Variants in LARS2 observed in about 807,000 individuals in gnomAD.
The protein encoded by LARS2 is leucyl-tRNA synthetase 2, mitochondrial, also known as leucine--tRNA ligase, mitochondrial.
In LARS2, 81 loss-of-function variants were observed where a neutral mutation model predicts 116.6. The observed-to-expected ratio is 0.69, with a 90% confidence interval of 0.58 to 0.84. The LOEUF (loss-of-function observed/expected upper bound fraction) is 0.84. LARS2 is among the 40% of genes least tolerant of loss of function. The pLI, the probability that LARS2 is intolerant of heterozygous loss-of-function variation, is 0.00. For missense variants in LARS2, 968 were observed against 1,114.5 expected, an observed-to-expected ratio of 0.87 and a Z score of 1.87; for synonymous variants, 396 against 407.2, an observed-to-expected ratio of 0.97 and a Z score of 0.33.
chr3:45,436,679 A>G (rs2125697996), intron 6 of LARS2, among the ~76,000 whole-genome samples: 1 of 152,032 alleles, frequency 6.6e-6, no homozygotes, highest in South Asian at 2.1e-4. Context: ...CTGTAGTCCC[A>G]GCTACTCGGG....
intron 13 of LARS2, among the ~76,000 whole-genome samples, chr3:45,494,684 G>A (rs937152002): frequency 6.6e-6 from 1 of 152,156 alleles, no homozygotes; most frequent in Non-Finnish European, 1.5e-5. Flanking sequence ...CTTGACTAAG[G>A]GCACCTTCTT....
At chr3:45,442,476 A>G (rs1299727483) in intron 6 of LARS2, among the ~76,000 whole-genome samples, 4 of 152,258 alleles carry the variant, frequency 2.6e-5, no homozygotes, top group Non-Finnish European at 5.9e-5. Flanking sequence ...TTTATTATGT[A>G]GATTTTCCAA....
intron 4 of LARS2, among the ~76,000 whole-genome samples, chr3:45,402,527 T>C (rs1698171016): frequency 6.6e-6 from 1 of 152,256 alleles, no homozygotes; most frequent in African/African-American, 2.4e-5. Flanking sequence ...TGATATCTGC[T>C]GCCTCTCAGT....
Position 45,417,550 on chromosome 3 carries a change from A to G in LARS2, c.432A>G (p.Leu144=). 6.2e-7 allele frequency: 1 copy of G among 1,613,856 alleles called. No homozygotes were observed. The highest frequency in any genetic ancestry group is 8.5e-7 in the Non-Finnish European group (1 of 1,179,724). Residue 144 remains leucine (L), a synonymous_variant, in exon 5 of 22, where the codon CTA becomes CTG. Transcript: ENST00000645846. ...AAAATGCCGCAGTCGAGAGGAATCT[A>G]CATCCACAAAGTTGGACACAAAGGT... The part of the protein sequence containing the change: ...PAENAAVERN[L]HPQSWTQSNI...
At chr3:45,468,858 T>G (rs1156752688) in intron 8 of LARS2, among the ~76,000 whole-genome samples, 1 of 152,222 alleles carries the variant, frequency 6.6e-6, no homozygotes, top group Non-Finnish European at 1.5e-5. Context: ...CATTCCCTGA[T>G]GGGCATACCT....
chr3:45,469,587 G>A (rs962674401), intron 8 of LARS2, among the ~76,000 whole-genome samples: 21 of 151,870 alleles, frequency 1.4e-4, no homozygotes, highest in African/African-American at 4.6e-4. Context: ...CTCGTGATCC[G>A]CCCGCCTCGG....
intron 8 of LARS2, among the ~76,000 whole-genome samples, chr3:45,464,284 G>A (rs1699386424): frequency 6.6e-6 from 1 of 152,178 alleles, no homozygotes; most frequent in South Asian, 2.1e-4. Context: ...ATGTTAGAGC[G>A]AAGAGACAGC....
chr3:45,526,033 C>G (rs748904939), intron 20 of LARS2, among the ~76,000 whole-genome samples: 123 of 152,176 alleles, frequency 8.1e-4, no homozygotes, highest in Admixed American at 1.1e-3. Context: ...ATAAGGACTT[C>G]ATGAGTTGAG....
At chr3:45,487,319 A>G (rs1031762746) in intron 11 of LARS2, among the ~76,000 whole-genome samples, 1 of 152,212 alleles carries the variant, frequency 6.6e-6, no homozygotes, top group African/African-American at 2.4e-5. Context: ...ACATTTATTC[A>G]ACGCATTAGA....
chr3:45,536,074 G>T (rs751717281), intron 20 of LARS2, among the ~76,000 whole-genome samples: 5 of 152,186 alleles, frequency 3.3e-5, no homozygotes, highest in Admixed American at 6.5e-5. Flanking sequence ...ATGAGAGGAA[G>T]GAAGGGAGGA....
In LARS2 at chr3:45,461,709, G is replaced by T. The variant is rs183223133; in HGVS notation, c.750+2823G>T. Among the ~76,000 whole-genome samples, 3 of 152,330 alleles carry T rather than the reference G, an allele frequency of 2.0e-5. No individual in the cohort carries two copies. The East Asian group carries it at 5.8e-4, about 29-fold the overall frequency. Reference sequence around the variant, plus strand: ...TTTAGATGTGGGTGAGAATAGTAGAGAGAAGTGAGTAGGTTAGAAAAATAC... The same window carrying T: ...TTTAGATGTGGGTGAGAATAGTAGATAGAAGTGAGTAGGTTAGAAAAATAC... On this transcript the variant is annotated intron_variant, in intron 8 of 21. Transcript: ENST00000645846.
chr3:45,474,783 A>C (rs533261505), intron 9 of LARS2, among the ~76,000 whole-genome samples: 1 of 152,294 alleles, frequency 6.6e-6, no homozygotes, highest in Admixed American at 6.5e-5. Flanking sequence ...TTTTATGTGC[A>C]AAATGTTTGG....
chr3:45,440,953 G>GGGTA (rs34283046), intron 6 of LARS2, among the ~76,000 whole-genome samples: 21,598 of 151,598 alleles, frequency 0.14, 1,672 homozygotes, highest in Middle Eastern at 0.2. Context: ...GTAGGCTGAT[G>GGGTA]GGTACATCAG....
intron 6 of LARS2, among the ~76,000 whole-genome samples, chr3:45,436,230 T>G (rs1339175777): frequency 1.3e-5 from 2 of 152,148 alleles, no homozygotes; most frequent in Non-Finnish European, 2.9e-5. Context: ...AAATAGTCCT[T>G]ATATTATTCA....
At chr3:45,499,541 G>C (rs1464017680) in intron 14 of LARS2, among the ~76,000 whole-genome samples, 1 of 152,206 alleles carries the variant, frequency 6.6e-6, no homozygotes, top group Non-Finnish European at 1.5e-5. Context: ...AAGATCGCTT[G>C]AGCCCAGGAG....
At chr3:45,492,103 G>GT (rs1699928857) in intron 13 of LARS2, among the ~76,000 whole-genome samples, 1 of 152,324 alleles carries the variant, frequency 6.6e-6, no homozygotes, top group African/African-American at 2.4e-5. Flanking sequence ...TTACAGCTTT[G>GT]TAAAAAACCA....
chr3:45,464,144 G>T (rs535318995), intron 8 of LARS2, among the ~76,000 whole-genome samples: 6 of 152,114 alleles, frequency 3.9e-5, no homozygotes, highest in African/African-American at 1.2e-4. Context: ...TAAAGCAGAG[G>T]TACCTTTACC....
At chr3:45,465,579 G>A (rs899206662) in intron 8 of LARS2, among the ~76,000 whole-genome samples, 5 of 152,176 alleles carry the variant, frequency 3.3e-5, no homozygotes, top group East Asian at 1.9e-4. Flanking sequence ...ATAACAGCCC[G>A]GGGCCAAGGC....
chr3:45,542,678 A>G (rs760401284), intron 21 of LARS2, among the ~76,000 whole-genome samples: 4 of 152,218 alleles, frequency 2.6e-5, no homozygotes, highest in Non-Finnish European at 2.9e-5. Context: ...TTATCACCCT[A>G]TAACGTGGGC....
Sources: gnomAD v4.1 joint callset for allele counts (sites outside exome capture counted in the v4.1 genomes callset) on GRCh38, gnomAD v4.1.1 for gene constraint, MANE v1.5 for transcripts, NCBI Gene and HGNC (gene_info 2026-07-23, HGNC 2026-07-21) for gene names.